The following RFX3 variants were observed in gnomAD, a reference collection of about 807,000 sequenced individuals.
RFX3 encodes regulatory factor X3.
In RFX3, 14 loss-of-function variants were observed where a neutral mutation model predicts 98.6. That is an observed-to-expected ratio of 0.14 (90% CI 0.09 to 0.22). The LOEUF (loss-of-function observed/expected upper bound fraction) is 0.22. Among genes scored for constraint, RFX3 ranks in the 10% least tolerant of loss-of-function variants. RFX3 has a pLI of 1.00. For synonymous variants in RFX3, 383 were observed against 328.4 expected, an observed-to-expected ratio of 1.17 and a Z score of -1.80; for missense variants, 639 against 926.9, an observed-to-expected ratio of 0.69 and a Z score of 4.03.
chr9:3,509,041 C>T (rs1379055890), intron 1 of RFX3, among the ~76,000 whole-genome samples: 1 of 151,642 alleles, frequency 6.6e-6, no homozygotes, highest in African/African-American at 2.4e-5. Context: ...AATTACAATT[C>T]CTGCCACAGT....
chr9:3,479,929 A>G (rs1286956315), intron 1 of RFX3, among the ~76,000 whole-genome samples: 2 of 152,230 alleles, frequency 1.3e-5, no homozygotes, highest in Non-Finnish European at 2.9e-5. Context: ...CTGGAAGAGA[A>G]AAGAGTTGTT....
At chr9:3,522,222 T>C (rs1818790100) in intron 1 of RFX3, among the ~76,000 whole-genome samples, 1 of 152,214 alleles carries the variant, frequency 6.6e-6, no homozygotes, top group Non-Finnish European at 1.5e-5. Flanking sequence ...AAGCCAGATT[T>C]AGTCAAATCC....
chr9:3,303,345 CAG>C (rs1479269301), intron 4 of RFX3, among the ~76,000 whole-genome samples: 2 of 151,616 alleles, frequency 1.3e-5, no homozygotes, highest in East Asian at 1.9e-4. Context: ...AAAGAGAAAA[CAG>C]AGCAGAAAAC....
Position 3,266,248 on chromosome 9 carries a change from T to C in RFX3, c.1415A>G (p.Asn472Ser), listed in dbSNP as rs766962228. ...TCTCTGTGGAATATTGTTCATGGCA[T>C]TGGAAAGCCAACCTTCAAGGCTTTT... ...FAKSLEGWLS[N>S]AMNNIPQRMI... Residue 472 changes from asparagine (N) to serine (S), a missense_variant, in exon 12 of 17, where the codon AAT becomes AGT. By Grantham distance (46) the Asn-to-Ser change is conservative. Around this residue, in one of 9 missense-constraint regions of RFX3, gnomAD observed 138 missense variants for 308.9 expected, o/e 0.45. Transcript: ENST00000617270. The C allele has an allele frequency of 1.9e-6, 3 of 1,611,438 alleles. No individual in the cohort carries two copies. Among genetic ancestry groups the C allele is most frequent in the East Asian group, 2.2e-5 (1 of 44,694 alleles).
chr9:3,487,147 T>C (rs541500578), intron 1 of RFX3, among the ~76,000 whole-genome samples: 2 of 152,266 alleles, frequency 1.3e-5, no homozygotes, highest in South Asian at 4.1e-4. Context: ...CAAGCCACCA[T>C]GCCCGGCCTA....
intron 2 of RFX3, among the ~76,000 whole-genome samples, chr9:3,385,298 A>G (rs773936915): frequency 5.3e-5 from 8 of 152,222 alleles, no homozygotes; most frequent in Non-Finnish European, 8.8e-5. Context: ...TAAAATTGAT[A>G]GTTTGATAGG....
intron 2 of RFX3, among the ~76,000 whole-genome samples, chr9:3,371,412 C>T (rs1217912823): frequency 6.6e-6 from 1 of 152,122 alleles, no homozygotes; most frequent in Non-Finnish European, 1.5e-5. Context: ...GCTTACGCAG[C>T]TCTAAAATAT....
At chr9:3,522,228 AATCCACTTAATCTTGG>A (rs1260213494) in intron 1 of RFX3, among the ~76,000 whole-genome samples, 1 of 152,190 alleles carries the variant, frequency 6.6e-6, no homozygotes, top group Non-Finnish European at 1.5e-5. Context: ...GATTTAGTCA[AATCCACTTAATCTTGG>A]ATTTCCAAAA....
At chr9:3,287,206 T>C (rs1038040016) in intron 7 of RFX3, among the ~76,000 whole-genome samples, 2 of 151,942 alleles carry the variant, frequency 1.3e-5, no homozygotes, top group South Asian at 4.1e-4. Context: ...TTAGAGTTAA[T>C]GCTTCTGACT....
chr9:3,238,441 G>A (rs1819473910), intron 15 of RFX3, among the ~76,000 whole-genome samples: 1 of 152,168 alleles, frequency 6.6e-6, no homozygotes, highest in South Asian at 2.1e-4. Context: ...GCTGGAATGG[G>A]GGTGATTACA....
intron 15 of RFX3, among the ~76,000 whole-genome samples, chr9:3,233,469 G>A (rs192852075): frequency 9.2e-5 from 14 of 152,346 alleles, no homozygotes; most frequent in Non-Finnish European, 1.3e-4. Flanking sequence ...GTTCTGTAAT[G>A]TTTGGGCACT....
chr9:3,371,494 C>G (rs892884853), intron 2 of RFX3, among the ~76,000 whole-genome samples: 2 of 151,976 alleles, frequency 1.3e-5, no homozygotes, highest in African/African-American at 4.8e-5. Flanking sequence ...ATCTGTATAA[C>G]TAAAATCATT....
At chr9:3,372,941 G>T (rs909693710) in intron 2 of RFX3, among the ~76,000 whole-genome samples, 5 of 151,744 alleles carry the variant, frequency 3.3e-5, no homozygotes, top group Non-Finnish European at 7.4e-5. Flanking sequence ...AAATCTCTTG[G>T]AAAAAAGGTT....
chr9:3,224,758 TTAATTA>T lies in RFX3; in HGVS notation c.*278_*283del, dbSNP rs1354381255. 1.2e-5 allele frequency: 3 copies of T among 257,328 alleles called. No individual in the cohort carries two copies. The highest frequency in any genetic ancestry group is 2.2e-5 in the African/African-American group (1 of 44,782). The allele number at this position is 257,328 out of a possible 1,614,324, so 15.9% of individuals were successfully genotyped here. Reference sequence around the variant, plus strand: ...AGCTACAAAAAATGTAAATTACTTTTTAATTATAAGAAAACAAAACATTGACATTAA... The same window carrying T: ...AGCTACAAAAAATGTAAATTACTTTTTAAGAAAACAAAACATTGACATTAA... On this transcript the variant is annotated 3_prime_UTR_variant, in exon 17 of 17. Coordinates refer to ENST00000617270, the MANE Select transcript of RFX3 (RefSeq NM_001282116.2).
At position 3,275,603 on chromosome 9, in the gene RFX3, C is replaced by A; in HGVS notation, c.983G>T (p.Arg328Leu). The stretch of plus-strand genomic sequence containing the variant: ...AACTTCTCCAAACTCTGGAAGTGCT[C>A]GAGATGCATCTGTTACCGTGACAAC... ...QHHQQFLDAS[R>L]ALPEFGEVEI... The change falls in exon 9 of 17, where the codon CGA (arginine) becomes CTA (leucine). Residue 328 changes from arginine to leucine, a missense_variant. Around this residue, in one of 9 missense-constraint regions of RFX3, gnomAD observed 86 missense variants for 113.2 expected, o/e 0.76. Transcript: ENST00000617270. 6.2e-7 allele frequency: 1 copy of A among 1,600,312 alleles called. No homozygotes were observed. Among genetic ancestry groups the A allele is most frequent in the South Asian group, 1.1e-5 (1 of 90,688 alleles).
intron 15 of RFX3, among the ~76,000 whole-genome samples, chr9:3,237,651 A>T (rs1030081644): frequency 6.6e-6 from 1 of 152,180 alleles, no homozygotes; most frequent in Non-Finnish European, 1.5e-5. Flanking sequence ...TACTCTACTT[A>T]CCTACCTAAA....
chr9:3,436,556 C>CG, intron 1 of RFX3, among the ~76,000 whole-genome samples: 1 of 152,104 alleles, frequency 6.6e-6, no homozygotes, highest in Middle Eastern at 3.4e-3. Flanking sequence ...GTAATTCCTC[C>CG]AGCAAAACAT....
At chr9:3,405,915 T>C (rs1393656766) in intron 1 of RFX3, among the ~76,000 whole-genome samples, 1 of 152,150 alleles carries the variant, frequency 6.6e-6, no homozygotes, top group East Asian at 1.9e-4. Flanking sequence ...CTTATGGAAC[T>C]ACCCACAGTT....
intron 1 of RFX3, among the ~76,000 whole-genome samples, chr9:3,457,629 T>A (rs1322559792): frequency 3.3e-5 from 5 of 152,156 alleles, no homozygotes; most frequent in African/African-American, 1.2e-4. Flanking sequence ...CAAGCCTCAA[T>A]TCATTTTAGG....
Sources: allele counts gnomAD v4.1 joint callset (sites outside exome capture counted in the v4.1 genomes callset), GRCh38; gene constraint gnomAD v4.1.1; regional missense constraint gnomAD v4.1.1; transcripts MANE v1.5; gene names NCBI Gene and HGNC (gene_info 2026-07-23, HGNC 2026-07-21).